Variants in OSBPL9 observed in about 807,000 individuals in gnomAD.
The protein encoded by OSBPL9 is oxysterol-binding protein-related protein 9.
In OSBPL9, 40 loss-of-function variants were observed where a neutral mutation model predicts 106.6. That is an observed-to-expected ratio of 0.38 (90% confidence interval 0.29 to 0.49). The LOEUF is 0.49. Ranked by LOEUF, OSBPL9 falls within the 20% of genes least tolerant of loss-of-function variation. The probability of loss-of-function intolerance (pLI) is 0.97; values close to 1 mark genes in which losing one functional copy is unlikely to be tolerated. For missense variants in OSBPL9, 609 were observed against 887.2 expected (o/e 0.69, Z 3.98); for synonymous variants, 269 against 295.4 (o/e 0.91, Z 0.92).
chr1:51,766,871 C>T (rs1672665317), intron 12 of OSBPL9, among the ~76,000 whole-genome samples: 1 of 150,826 alleles, frequency 6.6e-6, no homozygotes, highest in African/African-American at 2.4e-5. Context: ...GAGTTCGAGA[C>T]CAGCCTGACC....
At chr1:51,775,844 C>T (rs1183421903) in intron 14 of OSBPL9, among the ~76,000 whole-genome samples, 8 of 152,090 alleles carry the variant, frequency 5.3e-5, no homozygotes, top group South Asian at 2.1e-4. Flanking sequence ...CTCCTGACCT[C>T]GGGTGATCCA....
At position 51,781,247 on chromosome 1, in the gene OSBPL9, G is replaced by A. The variant is rs147974793; in HGVS notation, c.1340G>A (p.Gly447Glu). Residue 447 changes from glycine (G) to glutamate (E), a missense_variant, in exon 16 of 24, where the codon GGA (glycine) becomes GAA (glutamate). By Grantham distance (98) the Gly-to-Glu change is moderately conservative. Coordinates refer to ENST00000428468, the MANE Select transcript of OSBPL9 (RefSeq NM_024586.6). ...YLSAFHAGRK[G>E]SVAKKPYNPI... ...TCAGCCTTTCATGCGGGAAGGAAAG[G>A]ATCAGTTGCCAAAAAGCCATACAAT... 6 of 1,613,994 alleles carry A rather than the reference G, an allele frequency of 3.7e-6. No homozygotes were observed. The South Asian group carries it at 4.4e-5, about 12-fold the overall frequency.
At chr1:51,641,690 A>G (rs1645801742) in intron 1 of OSBPL9, among the ~76,000 whole-genome samples, 2 of 152,194 alleles carry the variant, frequency 1.3e-5, no homozygotes, top group South Asian at 4.1e-4. Flanking sequence ...TACTTCTAGC[A>G]GGGCCTTACA....
intron 4 of OSBPL9, among the ~76,000 whole-genome samples, chr1:51,733,788 A>C (rs370376547): frequency 2.6e-4 from 40 of 152,050 alleles, no homozygotes; most frequent in African/African-American, 7.0e-4. Flanking sequence ...AACAAACAAA[A>C]AAAAAAGTGG....
chr1:51,713,903 C>A, intron 3 of OSBPL9, 100 bp from the exon 4 acceptor site: 1 of 960,646 alleles, frequency 1.0e-6, no homozygotes, highest in Non-Finnish European at 1.5e-6. Flanking sequence ...AACTAAAAAC[C>A]TTTTCTGTTA....
At chr1:51,556,367 A>G in the OSBPL9 span, among the ~76,000 whole-genome samples, 1 of 152,182 alleles carries the variant, frequency 6.6e-6, no homozygotes, top group Admixed American at 6.5e-5. Context: ...CCAACTGGAA[A>G]GTCTGTAGCA....
At chr1:51,574,450 T>C (rs1645171755), upstream of OSBPL9, among the ~76,000 whole-genome samples, 2 of 152,042 alleles carry the variant, frequency 1.3e-5, no homozygotes, top group South Asian at 2.1e-4. Flanking sequence ...AAACCCTGTC[T>C]CTACTAAAAA....
In OSBPL9 at chr1:51,772,520, A is replaced by C. The variant is rs778203430; in HGVS notation, c.1052-85A>C. On this transcript the variant is annotated intron_variant, in intron 13 of 23. Transcript: ENST00000428468. Reference sequence around the variant, plus strand: ...GAAAGAATGAGACTCCATCTCAAACAAACAAACAAACAAAATTGTAATTCT... The same window carrying C: ...GAAAGAATGAGACTCCATCTCAAACCAACAAACAAACAAAATTGTAATTCT... 1.9e-4 allele frequency: 223 copies of C among 1,151,000 alleles called. 1 individual carries two copies. Among genetic ancestry groups the C allele is most frequent in the Middle Eastern group, 1.7e-3 (9 of 5,254 alleles). The allele number at this position is 1,151,000 out of a possible 1,614,324, so 71.3% of individuals were successfully genotyped here. A position where few individuals can be genotyped will look rare whatever the true frequency, so the allele number is the denominator to read the frequency against.
At chr1:51,656,279 A>G (rs986800920) in intron 2 of OSBPL9, among the ~76,000 whole-genome samples, 2 of 152,198 alleles carry the variant, frequency 1.3e-5, no homozygotes, top group African/African-American at 2.4e-5. Context: ...AGTAACTGCT[A>G]TGGATGACAA....
the OSBPL9 span, among the ~76,000 whole-genome samples, chr1:51,554,567 G>A: frequency 3.9e-5 from 6 of 152,170 alleles, no homozygotes; most frequent in South Asian, 2.1e-4. Flanking sequence ...GTGGGATAGC[G>A]TTTGGAAAGT....
rs768158052 is a variant in OSBPL9, at chr1:51,669,543, A to G, written c.241+31A>G. On this transcript the variant is annotated intron_variant, in intron 3 of 23. Coordinates refer to ENST00000428468, the MANE Select transcript of OSBPL9 (RefSeq NM_024586.6). ...CTGAAAGAAGAGATTCTTTCTCTTCATAGTCCCATCTGCTTCTTTTCTTCT... is the reference window on the plus strand; with the variant it reads ...CTGAAAGAAGAGATTCTTTCTCTTCGTAGTCCCATCTGCTTCTTTTCTTCT... 1.9e-6 allele frequency: 3 copies of G among 1,595,738 alleles called. No homozygotes were observed. The Admixed American group carries it at 5.0e-5, about 27-fold the overall frequency.
chr1:51,525,075 T>C, the OSBPL9 span, among the ~76,000 whole-genome samples: 1 of 152,152 alleles, frequency 6.6e-6, no homozygotes, highest in African/African-American at 2.4e-5. Flanking sequence ...GGCACATGAG[T>C]GTCAACAGAA....
intron 4 of OSBPL9, among the ~76,000 whole-genome samples, chr1:51,744,242 A>G (rs890412061): frequency 2.0e-5 from 3 of 152,168 alleles, no homozygotes; most frequent in Non-Finnish European, 4.4e-5. Flanking sequence ...GTAGTAATTG[A>G]TAGTGTCATT....
At chr1:51,576,020 A>G (rs1362303506), upstream of OSBPL9, among the ~76,000 whole-genome samples, 1 of 152,168 alleles carries the variant, frequency 6.6e-6, no homozygotes, top group Non-Finnish European at 1.5e-5. Flanking sequence ...CATTCACCAC[A>G]TAAGTAATTG....
At position 51,745,668 on chromosome 1, in the gene OSBPL9, A is replaced by G. The variant is rs1667830605; in HGVS notation, c.414+37A>G. On this transcript the variant is annotated intron_variant, in intron 5 of 23. Coordinates refer to ENST00000428468, the MANE Select transcript of OSBPL9 (RefSeq NM_024586.6). ...GTTTGTATATTAAATTTATATAAAT[A>G]GAAAATGTTACTGAGCTTGATTTTT... is the stretch of plus-strand genomic sequence containing the variant. 2.1e-6 allele frequency: 3 copies of G among 1,445,600 alleles called. No individual in the cohort carries two copies. In the East Asian group the frequency reaches 7.9e-5, roughly 38 times the overall value. 89.5% of individuals were successfully genotyped at this position (1,445,600 alleles called of 1,614,324 possible).
intron 4 of OSBPL9, among the ~76,000 whole-genome samples, chr1:51,720,018 T>C (rs538613593): frequency 1.2e-3 from 186 of 152,362 alleles, no homozygotes; most frequent in African/African-American, 4.3e-3. Flanking sequence ...TTCCTTGGCA[T>C]AGCACATGCC....
chr1:51,691,767 G>T (rs1315570681), intron 3 of OSBPL9, among the ~76,000 whole-genome samples: 1 of 149,472 alleles, frequency 6.7e-6, no homozygotes, highest in Non-Finnish European at 1.5e-5. Context: ...TTTAAAGTTT[G>T]TTTTTTTTTA....
At chr1:51,776,735 A>G (rs1418189615) in intron 14 of OSBPL9, 98 bp from the exon 15 acceptor site, 1 of 771,010 alleles carries the variant, frequency 1.3e-6, no homozygotes, top group African/African-American at 1.8e-5. Context: ...CATGATTTGA[A>G]TGAGGTGGTG....
At chr1:51,765,801 A>G (rs1293122092) in intron 11 of OSBPL9, 21 bp from the exon 12 acceptor site, 1 of 1,588,112 alleles carries the variant, frequency 6.3e-7, no homozygotes, top group Non-Finnish European at 8.5e-7. Context: ...ATTTTTCTCT[A>G]AAACCCTTTT....
Sources: gnomAD v4.1 joint callset for allele counts (sites outside exome capture counted in the v4.1 genomes callset) on GRCh38, gnomAD v4.1.1 for gene constraint, MANE v1.5 for transcripts, NCBI Gene and HGNC (gene_info 2026-07-23, HGNC 2026-07-21) for gene names.